DOK6: variants seen among roughly 807,000 people sequenced by gnomAD.
DOK6 encodes the protein docking protein 6.
DOK6 carries 22 observed loss-of-function variants against 44.0 expected under a neutral mutation model. The ratio of observed to expected loss-of-function variants is 0.50; its 90% CI spans 0.36 to 0.71. The LOEUF is 0.71. Ranked by LOEUF, DOK6 falls within the 30% of genes least tolerant of loss-of-function variation. DOK6 has a pLI of 0.00. For synonymous variants in DOK6, 166 were observed against 145.5 expected, an observed-to-expected ratio of 1.14 and a Z score of -1.01; for missense variants, 340 against 416.4, an observed-to-expected ratio of 0.82 and a Z score of 1.60.
chr18:69,435,027 GA>G (rs1304650136), intron 1 of DOK6, among the ~76,000 whole-genome samples: 15 of 31,314 alleles, frequency 4.8e-4, no homozygotes, highest in Middle Eastern at 0.01. Flanking sequence ...GGGAGGGAGG[GA>G]AGGAAGGAAG....
chr18:69,509,308 C>T (rs912486486), intron 1 of DOK6, among the ~76,000 whole-genome samples: 2 of 152,172 alleles, frequency 1.3e-5, no homozygotes, highest in Non-Finnish European at 2.9e-5. Flanking sequence ...AAAATCTTAA[C>T]AAAATGTTAT....
chr18:69,619,427 G>A (rs533455920), intron 3 of DOK6, among the ~76,000 whole-genome samples: 3 of 152,324 alleles, frequency 2.0e-5, no homozygotes, highest in Non-Finnish European at 4.4e-5. Flanking sequence ...CTTCATGATC[G>A]TGGGTGTCCA....
At chr18:69,829,766 T>C (rs1981848182) in intron 7 of DOK6, among the ~76,000 whole-genome samples, 1 of 151,450 alleles carries the variant, frequency 6.6e-6, no homozygotes, top group Non-Finnish European at 1.5e-5. Context: ...AAATACTTTC[T>C]ATAGGAAAAA....
At chr18:69,652,511 G>A (rs1378343913) in intron 3 of DOK6, among the ~76,000 whole-genome samples, 1 of 152,176 alleles carries the variant, frequency 6.6e-6, no homozygotes, top group East Asian at 1.9e-4. Context: ...AGGAGTAGAT[G>A]AGTTTATTAG....
At chr18:69,651,468 T>A (rs1599242415) in intron 3 of DOK6, among the ~76,000 whole-genome samples, 3 of 148,502 alleles carry the variant, frequency 2.0e-5, no homozygotes, top group African/African-American at 7.4e-5. Flanking sequence ...CATTGCATCA[T>A]CAGCCCCCCG....
chr18:69,524,709 C>A (rs950366402), intron 1 of DOK6, among the ~76,000 whole-genome samples: 1 of 151,872 alleles, frequency 6.6e-6, no homozygotes, highest in Non-Finnish European at 1.5e-5. Context: ...TTTGAAGCCA[C>A]AATAAATAAT....
At chr18:69,772,251 G>A (rs1030577686) in intron 7 of DOK6, among the ~76,000 whole-genome samples, 28 of 151,878 alleles carry the variant, frequency 1.8e-4, no homozygotes, top group Admixed American at 4.6e-4. Flanking sequence ...TTGTATTCAC[G>A]AGTTGAAAGA....
intron 1 of DOK6, among the ~76,000 whole-genome samples, chr18:69,435,025 G>GGGAGGGAAGGAAGGACGGAAGGAAGGAA (rs1978926067): frequency 1.4e-5 from 1 of 72,266 alleles, no homozygotes; most frequent in African/African-American, 5.2e-5. Context: ...TAGGGAGGGA[G>GGGAGGGAAGGAAGGACGGAAGGAAGGAA]GGAAGGAAGG....
In DOK6 at chr18:69,452,125, C is replaced by T. The variant is rs201571032; in HGVS notation, c.66+50815C>T. ...TTCAAAAAATCAATGAATCCAGGAG[C>T]TGGTTTTTGGAAAGGATCAACAAAA... On this transcript the variant is annotated intron_variant, in intron 1 of 7. Transcript: ENST00000382713. 3.8e-4 allele frequency among the ~76,000 whole-genome samples: 57 copies of T among 151,964 alleles called. No homozygotes were observed. The East Asian group carries it at 0.011, about 29-fold the overall frequency.
chr18:69,836,961 AT>A (rs1328142969), intron 7 of DOK6, among the ~76,000 whole-genome samples: 1 of 152,190 alleles, frequency 6.6e-6, no homozygotes, highest in Non-Finnish European at 1.5e-5. Flanking sequence ...GAGGTATGCT[AT>A]TTTTGTAATA....
intron 3 of DOK6, among the ~76,000 whole-genome samples, chr18:69,673,637 T>C (rs1438595430): frequency 6.6e-6 from 1 of 152,232 alleles, no homozygotes; most frequent in Non-Finnish European, 1.5e-5. Flanking sequence ...ATCTCTAGTC[T>C]CCATTTGTCT....
At chr18:69,803,853 G>A (rs753507840) in intron 7 of DOK6, among the ~76,000 whole-genome samples, 8 of 152,028 alleles carry the variant, frequency 5.3e-5, no homozygotes, top group South Asian at 4.2e-4. Context: ...GCAAGGCTCC[G>A]TCTCAAAAAA....
chr18:69,658,777 C>T (rs904598047), intron 3 of DOK6, among the ~76,000 whole-genome samples: 1 of 152,114 alleles, frequency 6.6e-6, no homozygotes, highest in Non-Finnish European at 1.5e-5. Context: ...ATATATAACT[C>T]TCTTTTTTCA....
chr18:69,429,069 TCAGAA>T (rs1200678211), intron 1 of DOK6, among the ~76,000 whole-genome samples: 1 of 152,230 alleles, frequency 6.6e-6, no homozygotes, highest in African/African-American at 2.4e-5. Flanking sequence ...TATTGCCTGT[TCAGAA>T]CAGCCACAGG....
Position 69,677,688 on chromosome 18 carries a change from T to C in DOK6, c.290-46T>C, listed in dbSNP as rs748294274. ...TTAAGGAAATATTCTTCTTCCATCATTCCTAGGGAGCATTGCTTGACTGGT... is the reference window on the plus strand; with the variant it reads ...TTAAGGAAATATTCTTCTTCCATCACTCCTAGGGAGCATTGCTTGACTGGT... On this transcript the variant is annotated intron_variant, in intron 3 of 7. Coordinates refer to ENST00000382713, the MANE Select transcript of DOK6 (RefSeq NM_152721.6). 3 of 1,610,002 alleles carry C rather than the reference T, an allele frequency of 1.9e-6. No individual in the cohort carries two copies. The East Asian group carries it at 6.7e-5, about 36-fold the overall frequency.
chr18:69,487,122 C>G (rs1032141315), intron 1 of DOK6, among the ~76,000 whole-genome samples: 2 of 151,222 alleles, frequency 1.3e-5, no homozygotes, highest in Non-Finnish European at 2.9e-5. Flanking sequence ...CAGTTGCTGT[C>G]TTTATCTCTG....
At chr18:69,759,118 T>C (rs555184507) in intron 7 of DOK6, among the ~76,000 whole-genome samples, 3 of 151,094 alleles carry the variant, frequency 2.0e-5, no homozygotes, top group African/African-American at 7.2e-5. Flanking sequence ...GTTATTTGTA[T>C]GATAAAATAT....
At chr18:69,510,878 C>G (rs1006171457) in intron 1 of DOK6, among the ~76,000 whole-genome samples, 1 of 152,084 alleles carries the variant, frequency 6.6e-6, no homozygotes, top group African/African-American at 2.4e-5. Flanking sequence ...TCTCCCCTCC[C>G]CTTTTTCTTT....
At chr18:69,698,325 TA>T in intron 4 of DOK6, 78 bp from the exon 5 acceptor site, 1 of 1,323,444 alleles carries the variant, frequency 7.6e-7, no homozygotes, top group Non-Finnish European at 1.0e-6. Flanking sequence ...AGTCTGTAGA[TA>T]AACAAATTAA....
Sources: gnomAD v4.1 joint callset for allele counts (sites outside exome capture counted in the v4.1 genomes callset) on GRCh38, gnomAD v4.1.1 for gene constraint, MANE v1.5 for transcripts, NCBI Gene and HGNC (gene_info 2026-07-23, HGNC 2026-07-21) for gene names.